Variants in KIAA1328 observed in about 807,000 individuals in gnomAD.
The protein encoded by KIAA1328 is protein hinderin.
KIAA1328 carries 52 observed loss-of-function variants against 68.1 expected under a neutral mutation model. The ratio of observed to expected loss-of-function variants is 0.76; its 90% CI spans 0.61 to 0.96. The LOEUF is 0.96. KIAA1328 is among the 40% of genes least tolerant of loss of function. KIAA1328 has a pLI of 0.00. For missense variants in KIAA1328, 641 were observed against 677.6 expected, an observed-to-expected ratio of 0.95 and a Z score of 0.60; for synonymous variants, 232 against 239.4, an observed-to-expected ratio of 0.97 and a Z score of 0.28.
At chr18:37,078,912 G>T (rs1235781208) in intron 7 of KIAA1328, among the ~76,000 whole-genome samples, 1 of 151,840 alleles carries the variant, frequency 6.6e-6, no homozygotes, top group Non-Finnish European at 1.5e-5. Context: ...CATTGTGGAG[G>T]TCAGTGTGGC....
intron 7 of KIAA1328, among the ~76,000 whole-genome samples, chr18:37,116,117 A>G (rs1568426592): frequency 6.6e-6 from 1 of 151,972 alleles, no homozygotes; most frequent in Non-Finnish European, 1.5e-5. Context: ...TGCCATCCCC[A>G]TCAAGCTACC....
intron 6 of KIAA1328, among the ~76,000 whole-genome samples, chr18:36,977,619 C>T (rs1027654416): frequency 9.2e-5 from 14 of 152,002 alleles, no homozygotes; most frequent in Non-Finnish European, 1.9e-4. Context: ...CTGTGTGCCA[C>T]CCTAACGTCA....
At chr18:36,940,388 CAGTA>C (rs1464794378) in intron 5 of KIAA1328, among the ~76,000 whole-genome samples, 4 of 152,172 alleles carry the variant, frequency 2.6e-5, no homozygotes, top group Admixed American at 2.6e-4. Context: ...TCCTTCCTGA[CAGTA>C]AGTTTTTCTC....
At chr18:36,833,371 A>G (rs2046563382) in intron 1 of KIAA1328, 1 of 152,220 alleles carries the variant, frequency 6.6e-6, no homozygotes, top group Admixed American at 6.5e-5. Flanking sequence ...AAGAAATCAT[A>G]CCTGCAGAAG....
chr18:37,153,189 G>A (rs1367879542), intron 7 of KIAA1328, among the ~76,000 whole-genome samples: 1 of 152,142 alleles, frequency 6.6e-6, no homozygotes, highest in East Asian at 1.9e-4. Flanking sequence ...AAAACCCCAT[G>A]CATTTAACCA....
intron 5 of KIAA1328, among the ~76,000 whole-genome samples, chr18:36,905,459 G>T (rs748094484): frequency 6.6e-6 from 1 of 152,036 alleles, no homozygotes; most frequent in Non-Finnish European, 1.5e-5. Context: ...CCTGTGCTCT[G>T]CATGACTTTG....
At chr18:36,853,254 A>G (rs1240123120) in intron 4 of KIAA1328, among the ~76,000 whole-genome samples, 2 of 152,208 alleles carry the variant, frequency 1.3e-5, no homozygotes, top group African/African-American at 2.4e-5. Context: ...TTAGATTATG[A>G]CTTTTAAAGA....
intron 6 of KIAA1328, among the ~76,000 whole-genome samples, chr18:36,981,125 G>A (rs764660009): frequency 5.3e-5 from 8 of 152,166 alleles, no homozygotes; most frequent in Non-Finnish European, 1.2e-4. Flanking sequence ...AATAGTGCTT[G>A]TTCCCATCAG....
chr18:37,097,708 A>G (rs2057456504), intron 7 of KIAA1328, among the ~76,000 whole-genome samples: 1 of 152,248 alleles, frequency 6.6e-6, no homozygotes, highest in South Asian at 2.1e-4. Context: ...ACCCATGAGC[A>G]TGGAATGTTC....
At chr18:36,839,500 C>T (rs1048440420) in intron 3 of KIAA1328, among the ~76,000 whole-genome samples, 14 of 152,236 alleles carry the variant, frequency 9.2e-5, no homozygotes, top group Admixed American at 7.2e-4. Flanking sequence ...ATAACTGTTT[C>T]AATATTCTTG....
At chr18:37,072,328 A>C (rs181882819) in intron 7 of KIAA1328, among the ~76,000 whole-genome samples, 1 of 151,690 alleles carries the variant, frequency 6.6e-6, no homozygotes, top group Non-Finnish European at 1.5e-5. Context: ...CACTTGACAA[A>C]TGTGGCATTT....
chr18:36,876,935 C>T (rs2048147649), intron 4 of KIAA1328, among the ~76,000 whole-genome samples: 1 of 151,978 alleles, frequency 6.6e-6, no homozygotes. Context: ...TGTTATTTAC[C>T]CAGTAGTCAT....
Position 37,077,261 on chromosome 18 carries a change from C to A in KIAA1328, c.1232+9716C>A, listed in dbSNP as rs370653833. Among the ~76,000 whole-genome samples, 333 of 133,086 alleles carry A rather than the reference C, an allele frequency of 2.5e-3. 28 individuals are homozygous for A. The highest frequency in any genetic ancestry group is 5.0e-3 in the Admixed American group (72 of 14,268). The allele number at this position is 133,086 out of a possible 152,430, so 87.3% of individuals were successfully genotyped here. A position where few individuals can be genotyped will look rare whatever the true frequency, so the allele number is the denominator to read the frequency against. The stretch of plus-strand genomic sequence containing the variant: ...CACGATTATCTCAATAGATGCAGAA[C>A]AGGCCTTTGACAAAATTCAACAAGG... On this transcript the variant is annotated intron_variant, in intron 7 of 9. Transcript: ENST00000280020.
At chr18:37,106,329 A>G (rs934202797) in intron 7 of KIAA1328, among the ~76,000 whole-genome samples, 1 of 152,170 alleles carries the variant, frequency 6.6e-6, no homozygotes, top group Non-Finnish European at 1.5e-5. Context: ...GGAAGTGGGA[A>G]CTAGGAGCAA....
intron 6 of KIAA1328, among the ~76,000 whole-genome samples, chr18:37,042,837 A>C (rs1477755690): frequency 1.3e-5 from 2 of 151,718 alleles, no homozygotes; most frequent in African/African-American, 4.8e-5. Context: ...CTGACACTTT[A>C]TCTCTCTCCT....
At position 36,894,522 on chromosome 18, in the gene KIAA1328, G is replaced by C. The variant is rs116800190; in HGVS notation, c.448+8850G>C. ...CAGTTGCCAGATTAATTTTTCTTAA[G>C]GACTACTTTTCTTTTTTTTTTGAGA... On this transcript the variant is annotated intron_variant, in intron 5 of 9. Transcript: ENST00000280020. Among the ~76,000 whole-genome samples, 1,133 of 151,912 alleles carry C rather than the reference G, an allele frequency of 7.5e-3. 14 individuals are homozygous for C. Among genetic ancestry groups the C allele is most frequent in the African/African-American group, 0.026 (1,087 of 41,392 alleles).
intron 4 of KIAA1328, among the ~76,000 whole-genome samples, chr18:36,858,463 G>A (rs1174164591): frequency 1.3e-5 from 2 of 152,078 alleles, no homozygotes; most frequent in Non-Finnish European, 1.5e-5. Flanking sequence ...AGCATCTACA[G>A]CTTATATAAC....
At chr18:37,227,479 T>G (rs1204509488), downstream of KIAA1328, among the ~76,000 whole-genome samples, 1 of 152,160 alleles carries the variant, frequency 6.6e-6, no homozygotes, top group African/African-American at 2.4e-5. Flanking sequence ...GTTAGTGACT[T>G]TAAGTTAAAG....
intron 6 of KIAA1328, among the ~76,000 whole-genome samples, chr18:36,983,356 T>A (rs6507188): frequency 0.93 from 142,053 of 152,058 alleles, 67,118 homozygotes; most frequent in East Asian, 1. Context: ...ATTACTGGGA[T>A]CAGTATTACT....
Sources: allele counts gnomAD v4.1 joint callset (sites outside exome capture counted in the v4.1 genomes callset), GRCh38; gene constraint gnomAD v4.1.1; transcripts MANE v1.5; gene names NCBI Gene and HGNC (gene_info 2026-07-23, HGNC 2026-07-21).